TRAPPC9: variants seen among roughly 807,000 people sequenced by gnomAD.
The protein encoded by TRAPPC9 is IKK2 binding protein.
TRAPPC9 carries 83 observed loss-of-function variants against 124.0 expected under a neutral mutation model. That is an observed-to-expected ratio of 0.67 (90% CI 0.56 to 0.80). The LOEUF is 0.80. Among genes scored for constraint, TRAPPC9 ranks in the 30% least tolerant of loss-of-function variants. The pLI is 0.00. For synonymous variants in TRAPPC9, 638 were observed against 617.5 expected, an observed-to-expected ratio of 1.03 and a Z score of -0.49; for missense variants, 1,302 against 1,508.3, an observed-to-expected ratio of 0.86 and a Z score of 2.27.
rs139997731 is a variant in TRAPPC9, at chr8:139,932,619, C to T, written c.2811-22319G>A. On this transcript the variant is annotated intron_variant, in intron 19 of 22. Coordinates refer to ENST00000438773, the MANE Select transcript of TRAPPC9 (RefSeq NM_001160372.4). ...TCTACTAATTTACAAAAAAAATTAG[C>T]CAGGTGTGTTGGCACATGCCTGTAG... is the stretch of plus-strand genomic sequence containing the variant. 72 of 424,572 alleles carry T rather than the reference C, an allele frequency of 1.7e-4. 1 individual carries two copies. Among genetic ancestry groups the T allele is most frequent in the African/African-American group, 1.1e-3 (52 of 49,446 alleles). 26.3% of individuals were successfully genotyped at this position (424,572 alleles called of 1,614,324 possible).
At chr8:140,427,628 A>C (rs1032242667) in intron 4 of TRAPPC9, among the ~76,000 whole-genome samples, 2 of 152,224 alleles carry the variant, frequency 1.3e-5, no homozygotes, top group African/African-American at 4.8e-5. Context: ...CTCAAGGGGT[A>C]CTGGTTCCAA....
At chr8:140,113,012 C>T (rs2060811602) in intron 17 of TRAPPC9, among the ~76,000 whole-genome samples, 2 of 152,016 alleles carry the variant, frequency 1.3e-5, no homozygotes, top group African/African-American at 4.8e-5. Flanking sequence ...GCCTAAATTC[C>T]TCTTTTCTTG....
chr8:139,878,059 C>T (rs1192703962), intron 21 of TRAPPC9, among the ~76,000 whole-genome samples: 1 of 152,200 alleles, frequency 6.6e-6, no homozygotes, highest in African/African-American at 2.4e-5. Flanking sequence ...CCCCAAAACA[C>T]AGAAAAGGCT....
intron 9 of TRAPPC9, among the ~76,000 whole-genome samples, chr8:140,327,981 G>A (rs143765108): frequency 0.012 from 1,848 of 152,228 alleles, 34 homozygotes; most frequent in African/African-American, 0.04. Flanking sequence ...TTGGCCGGGC[G>A]CGGTGGCTCA....
chr8:140,133,561 G>A (rs1349958308), intron 17 of TRAPPC9, among the ~76,000 whole-genome samples: 1 of 152,106 alleles, frequency 6.6e-6, no homozygotes. Context: ...CTTCCTCAGA[G>A]CAATTAAACA....
chr8:140,441,684 C>A (rs1256578836), intron 2 of TRAPPC9, among the ~76,000 whole-genome samples: 4 of 152,082 alleles, frequency 2.6e-5, no homozygotes, highest in African/African-American at 7.2e-5. Flanking sequence ...CCCACCTCAG[C>A]CTCCCAAGTA....
intron 13 of TRAPPC9, among the ~76,000 whole-genome samples, chr8:140,286,935 G>GTT (rs1241562995): frequency 6.6e-6 from 1 of 152,080 alleles, no homozygotes; most frequent in African/African-American, 2.4e-5. Flanking sequence ...GAAGTGGGGT[G>GTT]TGAGGAAGGC....
chr8:139,822,921 A>C (rs1020983713), intron 21 of TRAPPC9, among the ~76,000 whole-genome samples: 3 of 151,808 alleles, frequency 2.0e-5, no homozygotes, highest in Non-Finnish European at 4.4e-5. Context: ...AGGTGCCAGG[A>C]GGGTGGATGT....
intron 17 of TRAPPC9, among the ~76,000 whole-genome samples, chr8:140,068,925 C>A (rs1230280507): frequency 6.6e-6 from 1 of 152,160 alleles, no homozygotes; most frequent in Non-Finnish European, 1.5e-5. Flanking sequence ...TCCCTTGCAT[C>A]CACAATATAT....
intron 17 of TRAPPC9, among the ~76,000 whole-genome samples, chr8:140,121,040 T>C (rs1043151777): frequency 9.2e-5 from 14 of 152,218 alleles, no homozygotes; most frequent in African/African-American, 3.1e-4. Flanking sequence ...GAGGTGAAAT[T>C]TTTTAAGGGT....
chr8:140,021,336 A>G (rs909817438), intron 18 of TRAPPC9, among the ~76,000 whole-genome samples: 1 of 152,240 alleles, frequency 6.6e-6, no homozygotes. Context: ...AAAAAATATT[A>G]TAACAATTTG....
intron 8 of TRAPPC9, among the ~76,000 whole-genome samples, chr8:140,362,142 T>A (rs1299493170): frequency 6.6e-6 from 1 of 152,190 alleles, no homozygotes; most frequent in Non-Finnish European, 1.5e-5. Flanking sequence ...GTTTCTCTCA[T>A]CAATCCTTAA....
In TRAPPC9 at chr8:139,752,839, A is replaced by ACCAT. The variant is rs556840716; in HGVS notation, c.3056-20641_3056-20638dup. On this transcript the variant is annotated intron_variant, in intron 21 of 22. Transcript: ENST00000438773. Reference sequence around the variant, plus strand: ...CCATCCATCCACCATCTACCCATCTACCATCCATCCATCCATCCACCCATC... The same window carrying ACCAT: ...CCATCCATCCACCATCTACCCATCTACCATCCATCCATCCATCCATCCACCCATC... Among the ~76,000 whole-genome samples the ACCAT allele has an allele frequency of 2.6e-3, 381 of 147,516 alleles. 2 individuals are homozygous for ACCAT. Among genetic ancestry groups the ACCAT allele is most frequent in the African/African-American group, 8.9e-3 (352 of 39,568 alleles).
chr8:140,125,338 C>T lies in TRAPPC9; in HGVS notation c.2556+96121G>A, dbSNP rs537579539. ...AGGAGTGCTGCTCAGCAGACGGCTGCGGTGACCCAGGAAGCATCGACGAGA... is the reference window on the plus strand; with the variant it reads ...AGGAGTGCTGCTCAGCAGACGGCTGTGGTGACCCAGGAAGCATCGACGAGA... On this transcript the variant is annotated intron_variant, in intron 17 of 22. Coordinates refer to ENST00000438773, the MANE Select transcript of TRAPPC9 (RefSeq NM_001160372.4). Among the ~76,000 whole-genome samples, 7 of 152,272 alleles carry T rather than the reference C, an allele frequency of 4.6e-5. 1 individual carries two copies. The Middle Eastern group carries it at 0.01, about 222-fold the overall frequency.
chr8:140,272,477 G>T (rs1402008343), intron 15 of TRAPPC9, among the ~76,000 whole-genome samples: 9 of 151,906 alleles, frequency 5.9e-5, no homozygotes, highest in African/African-American at 1.9e-4. Flanking sequence ...GATGGTGATG[G>T]TGGTGGTGGC....
At chr8:139,899,535 C>T (rs1587140158) in intron 20 of TRAPPC9, among the ~76,000 whole-genome samples, 1 of 152,196 alleles carries the variant, frequency 6.6e-6, no homozygotes, top group Non-Finnish European at 1.5e-5. Context: ...TCAGGGGTGG[C>T]AGAGGTGAAA....
intron 17 of TRAPPC9, among the ~76,000 whole-genome samples, chr8:140,072,852 CCTA>C (rs1843272546): frequency 1.3e-5 from 2 of 152,174 alleles, no homozygotes; most frequent in South Asian, 4.1e-4. Flanking sequence ...TTCAAGAACT[CCTA>C]CGAGTCTATA....
intron 17 of TRAPPC9, among the ~76,000 whole-genome samples, chr8:140,073,214 T>A (rs989478525): frequency 1.3e-5 from 2 of 152,200 alleles, no homozygotes; most frequent in Non-Finnish European, 2.9e-5. Context: ...ATTTCCAATT[T>A]ATCAATATTT....
rs542229631 is a variant in TRAPPC9 at position 139,803,168 on chromosome 8, C to A, written c.3056-70966G>T. Among the ~76,000 whole-genome samples, 201 of 150,532 alleles carry A rather than the reference C, an allele frequency of 1.3e-3. 1 individual carries two copies. Among genetic ancestry groups the A allele is most frequent in the African/African-American group, 4.9e-3 (199 of 40,824 alleles). On this transcript the variant is annotated intron_variant, in intron 21 of 22. Transcript: ENST00000438773. Reference sequence around the variant, plus strand: ...TGCCGTCGTGTGAGTGTGCTGTGTGCGCGTTGTGTATGTCATTGTGTGTGC... The same window carrying A: ...TGCCGTCGTGTGAGTGTGCTGTGTGAGCGTTGTGTATGTCATTGTGTGTGC...
Sources: gnomAD v4.1 joint callset for allele counts (sites outside exome capture counted in the v4.1 genomes callset) on GRCh38, gnomAD v4.1.1 for gene constraint, MANE v1.5 for transcripts, NCBI Gene and HGNC (gene_info 2026-07-23, HGNC 2026-07-21) for gene names.